DLGAP2: variants seen among roughly 807,000 people sequenced by gnomAD.
DLGAP2 encodes the protein DLG associated protein 2.
DLGAP2 carries 26 observed loss-of-function variants against 100.3 expected under a neutral mutation model. That is an observed-to-expected ratio of 0.26 (90% confidence interval 0.19 to 0.36). DLGAP2 has a LOEUF of 0.36. Ranked by LOEUF, DLGAP2 falls within the 10% of genes least tolerant of loss-of-function variation. The probability of loss-of-function intolerance (pLI) is 1.00; values close to 1 mark genes in which losing one functional copy is unlikely to be tolerated. For synonymous variants in DLGAP2, 886 were observed against 630.1 expected, an observed-to-expected ratio of 1.41 and a Z score of -6.08; for missense variants, 1,858 against 1,453.2, an observed-to-expected ratio of 1.28 and a Z score of -4.53.
At chr8:1,333,646 G>A (rs1278507700) in intron 3 of DLGAP2, among the ~76,000 whole-genome samples, 1 of 152,194 alleles carries the variant, frequency 6.6e-6, no homozygotes, top group Non-Finnish European at 1.5e-5. Context: ...GGCACTCGGA[G>A]GTAATTTGTG....
intron 1 of DLGAP2, among the ~76,000 whole-genome samples, chr8:831,366 G>A (rs1796779594): frequency 1.3e-5 from 2 of 151,644 alleles, no homozygotes; most frequent in Admixed American, 6.6e-5. Flanking sequence ...CCCTACCCCA[G>A]CCCCCCATCC....
chr8:750,465 G>A (rs1292352832), intron 1 of DLGAP2, among the ~76,000 whole-genome samples: 5 of 152,102 alleles, frequency 3.3e-5, no homozygotes, highest in African/African-American at 9.7e-5. Flanking sequence ...AAATATAAGG[G>A]TTTTCCTGAG....
At chr8:1,012,054 G>A (rs1303421380) in intron 2 of DLGAP2, among the ~76,000 whole-genome samples, 2 of 152,212 alleles carry the variant, frequency 1.3e-5, no homozygotes, top group Non-Finnish European at 2.9e-5. Flanking sequence ...GCAAACACAT[G>A]CCAGGTCCTT....
intron 3 of DLGAP2, among the ~76,000 whole-genome samples, chr8:1,316,527 CGGCAGCGTTTAAAA>C (rs1800754548): frequency 3.2e-5 from 3 of 93,582 alleles, no homozygotes; most frequent in Non-Finnish European, 4.4e-5. Flanking sequence ...TCGAGACACT[CGGCAGCGTTTAAAA>C]ATAGAGGCTG....
chr8:802,892 C>A (rs1427163204), intron 1 of DLGAP2, among the ~76,000 whole-genome samples: 2 of 152,124 alleles, frequency 1.3e-5, no homozygotes, highest in Non-Finnish European at 2.9e-5. Context: ...GTGGACAGTG[C>A]TGTGTCCAGG....
At chr8:1,554,587 C>T (rs1378539579) in intron 5 of DLGAP2, among the ~76,000 whole-genome samples, 1 of 152,160 alleles carries the variant, frequency 6.6e-6, no homozygotes, top group Non-Finnish European at 1.5e-5. Context: ...GAGCCCGGGT[C>T]CTGTCTTTGT....
At chr8:966,378 T>A (rs1799871440) in intron 2 of DLGAP2, among the ~76,000 whole-genome samples, 1 of 152,186 alleles carries the variant, frequency 6.6e-6, no homozygotes, top group South Asian at 2.1e-4. Context: ...TTTTAAAATA[T>A]CATTTAAAAA....
At chr8:1,628,983 G>A (rs1256482249) in intron 7 of DLGAP2, among the ~76,000 whole-genome samples, 1 of 152,242 alleles carries the variant, frequency 6.6e-6, no homozygotes, top group Admixed American at 6.5e-5. Context: ...ACTCAAAAAT[G>A]ATAGCCCTTA....
At chr8:1,309,138 C>G (rs1430150966) in intron 3 of DLGAP2, among the ~76,000 whole-genome samples, 1 of 151,684 alleles carries the variant, frequency 6.6e-6, no homozygotes, top group Non-Finnish European at 1.5e-5. Context: ...CTACACATTA[C>G]AAGAGTCTCC....
intron 1 of DLGAP2, among the ~76,000 whole-genome samples, chr8:756,235 C>T (rs145939891): frequency 7.4e-4 from 113 of 151,980 alleles, no homozygotes; most frequent in Middle Eastern, 3.4e-3. Context: ...GCATAGGAGA[C>T]GGGAGAAGGT....
At chr8:1,067,834 C>T (rs748761471) in intron 2 of DLGAP2, among the ~76,000 whole-genome samples, 3 of 151,906 alleles carry the variant, frequency 2.0e-5, no homozygotes, top group African/African-American at 4.8e-5. Context: ...TGGTTCACCT[C>T]GGCTCACTCT....
At chr8:1,353,992 C>T (rs1801792528) in intron 3 of DLGAP2, among the ~76,000 whole-genome samples, 2 of 152,122 alleles carry the variant, frequency 1.3e-5, no homozygotes, top group South Asian at 2.1e-4. Flanking sequence ...AAACCTAGTG[C>T]TTCTTCTATT....
Position 1,706,903 on chromosome 8 carries a change from CG to C in DLGAP2, c.*5500del, listed in dbSNP as rs1255627793. 3.3e-5 allele frequency: 5 copies of C among 152,140 alleles called. No individual in the cohort carries two copies. Among genetic ancestry groups the C allele is most frequent in the African/African-American group, 4.8e-5 (2 of 41,406 alleles). The allele number at this position is 152,140 out of a possible 1,614,324, so 9.4% of individuals were successfully genotyped here. On this transcript the variant is annotated 3_prime_UTR_variant, in exon 15 of 15. Coordinates refer to ENST00000637795, the MANE Select transcript of DLGAP2 (RefSeq NM_001346810.2). ...GCAGAGGTGGTCCGTGGGAAAGCTC[CG>C]GGAAACAGCCGTCTTTCATCCTTGC...
intron 6 of DLGAP2, among the ~76,000 whole-genome samples, chr8:1,590,930 A>G (rs1796271381): frequency 6.6e-6 from 1 of 152,228 alleles, no homozygotes; most frequent in South Asian, 2.1e-4. Context: ...GCCACCTTAA[A>G]GAAGCCATCT....
chr8:1,203,250 G>A (rs113284766), intron 2 of DLGAP2, among the ~76,000 whole-genome samples: 2 of 152,316 alleles, frequency 1.3e-5, no homozygotes, highest in African/African-American at 4.8e-5. Flanking sequence ...TAGAATCCAT[G>A]AGACTAGTGT....
chr8:1,102,131 A>G (rs1193763714), intron 2 of DLGAP2, among the ~76,000 whole-genome samples: 1 of 150,924 alleles, frequency 6.6e-6, no homozygotes, highest in Non-Finnish European at 1.5e-5. Flanking sequence ...TTTATTCAAT[A>G]TAAATTAGTA....
intron 2 of DLGAP2, among the ~76,000 whole-genome samples, chr8:1,194,109 C>A (rs1257052254): frequency 6.6e-6 from 1 of 151,990 alleles, no homozygotes; most frequent in Non-Finnish European, 1.5e-5. Flanking sequence ...AGTTTTGACG[C>A]TGTGGAAAAT....
intron 2 of DLGAP2, among the ~76,000 whole-genome samples, chr8:937,464 A>G (rs772003347): frequency 2.0e-5 from 3 of 152,190 alleles, no homozygotes; most frequent in Non-Finnish European, 2.9e-5. Flanking sequence ...ATGCCAGTTA[A>G]TGGAATTTTT....
intron 3 of DLGAP2, among the ~76,000 whole-genome samples, chr8:1,360,235 GCGGGGC>G (rs1801950216): frequency 1.4e-5 from 2 of 144,314 alleles, no homozygotes; most frequent in East Asian, 2.1e-4. Context: ...CTTCTCCGGG[GCGGGGC>G]TTCTCCGGGG....
Sources: gnomAD v4.1 joint callset for allele counts (sites outside exome capture counted in the v4.1 genomes callset) on GRCh38, gnomAD v4.1.1 for gene constraint, MANE v1.5 for transcripts, NCBI Gene and HGNC (gene_info 2026-07-23, HGNC 2026-07-21) for gene names.